BMPER: variants seen among roughly 807,000 people sequenced by gnomAD.
BMPER encodes BMP-binding endothelial regulator protein.
A neutral mutation model predicts 87.3 loss-of-function variants in BMPER; 45 were observed. That is an observed-to-expected ratio of 0.52 (90% CI 0.41 to 0.66). The LOEUF (loss-of-function observed/expected upper bound fraction) is 0.66. Among genes scored for constraint, BMPER ranks in the 30% least tolerant of loss-of-function variants. BMPER has a pLI of 0.00. For synonymous variants in BMPER, 326 were observed against 316.2 expected (o/e 1.03, Z -0.33); for missense variants, 784 against 867.5 (o/e 0.90, Z 1.21).
chr7:34,070,469 C>T (rs1279433734), intron 11 of BMPER, among the ~76,000 whole-genome samples: 5 of 152,132 alleles, frequency 3.3e-5, no homozygotes, highest in Non-Finnish European at 7.4e-5. Flanking sequence ...CCATGGCAGC[C>T]GGACACTCAT....
At chr7:34,112,452 G>A (rs952344754) in intron 13 of BMPER, among the ~76,000 whole-genome samples, 3 of 130,052 alleles carry the variant, frequency 2.3e-5, no homozygotes, top group Admixed American at 9.5e-5. Context: ...GCCGAGAGAC[G>A]CCACAGGACT....
chr7:34,149,810 C>T (rs759178535), intron 14 of BMPER, among the ~76,000 whole-genome samples: 3 of 140,064 alleles, frequency 2.1e-5, no homozygotes, highest in Non-Finnish European at 4.6e-5. Context: ...GGAACTGCTT[C>T]AGTCAAGGGG....
intron 11 of BMPER, among the ~76,000 whole-genome samples, chr7:34,064,071 A>C (rs1253255943): frequency 6.6e-6 from 1 of 152,206 alleles, no homozygotes; most frequent in Non-Finnish European, 1.5e-5. Context: ...AGGGCAGATC[A>C]CTTGAGGGCA....
At chr7:34,079,250 G>A in intron 12 of BMPER, 64 bp downstream of exon 12, 8 of 1,598,156 alleles carry the variant, frequency 5.0e-6, no homozygotes, top group South Asian at 1.1e-5. Context: ...CAGCAGCACT[G>A]CTCGGTTAGA....
chr7:34,073,087 C>A (rs1788778775), intron 11 of BMPER, among the ~76,000 whole-genome samples: 1 of 151,934 alleles, frequency 6.6e-6, no homozygotes. Flanking sequence ...TCAGTGTGGG[C>A]AATTTTTTTT....
At chr7:33,936,851 C>G (rs1310389488) in intron 2 of BMPER, among the ~76,000 whole-genome samples, 1 of 152,194 alleles carries the variant, frequency 6.6e-6, no homozygotes, top group Non-Finnish European at 1.5e-5. Flanking sequence ...TTTTAATGCA[C>G]TCTACTATTA....
intron 12 of BMPER, among the ~76,000 whole-genome samples, chr7:34,083,497 C>T (rs930560093): frequency 6.6e-6 from 1 of 152,170 alleles, no homozygotes; most frequent in African/African-American, 2.4e-5. Context: ...TCTATTTCTT[C>T]CATTGACCAT....
At chr7:33,922,008 G>C (rs772498125) in intron 2 of BMPER, 71 of 350,762 alleles carry the variant, frequency 2.0e-4, no homozygotes, top group Non-Finnish European at 3.1e-4. Context: ...TCCTCGTGCA[G>C]AATAAAGCCA....
chr7:34,009,424 T>G (rs1786820772), intron 6 of BMPER, among the ~76,000 whole-genome samples: 1 of 151,960 alleles, frequency 6.6e-6, no homozygotes, highest in Admixed American at 6.6e-5. Flanking sequence ...GACTTGCTTT[T>G]GGGGAAGAGT....
At chr7:33,970,213 C>G in intron 4 of BMPER, 116 bp from the exon 5 acceptor site, 4 of 996,490 alleles carry the variant, frequency 4.0e-6, no homozygotes, top group Non-Finnish European at 6.4e-6. Context: ...GCCCTGACAC[C>G]CACCAAACCT....
At chr7:34,055,112 T>C (rs200639773) in intron 8 of BMPER, 51 bp from the exon 9 acceptor site, 1 of 1,613,318 alleles carries the variant, frequency 6.2e-7, no homozygotes, top group Non-Finnish European at 8.5e-7. Flanking sequence ...GTAGGATGTT[T>C]GGTAGAGGCG....
chr7:34,016,373 A>G (rs1787027090), intron 6 of BMPER, among the ~76,000 whole-genome samples: 1 of 151,928 alleles, frequency 6.6e-6, no homozygotes, highest in South Asian at 2.1e-4. Flanking sequence ...CAAATGTTCA[A>G]ATCTACCTGT....
rs115132606 is a variant in BMPER at position 33,933,083 on chromosome 7, C to G, written c.220-4206C>G. On this transcript the variant is annotated intron_variant, in intron 2 of 14. Transcript: ENST00000649409. ...GCAGATCTCAGACACAGCAAGCTGG[C>G]TGCCGGAATCCTGTTTGAACTTGGC... Among the ~76,000 whole-genome samples the G allele has an allele frequency of 5.3e-3, 804 of 152,316 alleles. 5 individuals carry two copies. The highest frequency in any genetic ancestry group is 0.017 in the African/African-American group (696 of 41,572).
chr7:33,989,539 C>T (rs1056600835), intron 6 of BMPER, among the ~76,000 whole-genome samples: 60 of 152,088 alleles, frequency 3.9e-4, no homozygotes, highest in African/African-American at 1.3e-3. Flanking sequence ...GAGTAGGTTG[C>T]GAAATTTTTC....
chr7:34,037,517 G>A (rs936523292), intron 6 of BMPER, among the ~76,000 whole-genome samples: 5 of 152,092 alleles, frequency 3.3e-5, no homozygotes, highest in Non-Finnish European at 7.4e-5. Context: ...AACTCTTTGG[G>A]AGTCATCTAG....
At chr7:34,014,942 G>T (rs990127527) in intron 6 of BMPER, among the ~76,000 whole-genome samples, 1 of 151,766 alleles carries the variant, frequency 6.6e-6, no homozygotes, top group Non-Finnish European at 1.5e-5. Context: ...TTTCTTACCT[G>T]TAATATGCAC....
intron 2 of BMPER, among the ~76,000 whole-genome samples, chr7:33,916,709 C>T (rs148571069): frequency 4.6e-5 from 7 of 152,292 alleles, no homozygotes; most frequent in South Asian, 2.1e-4. Flanking sequence ...GGCGAATTCA[C>T]GTCTTAAGGG....
intron 8 of BMPER, among the ~76,000 whole-genome samples, chr7:34,053,685 A>G (rs1301769349): frequency 2.0e-5 from 3 of 152,256 alleles, no homozygotes; most frequent in Non-Finnish European, 4.4e-5. Flanking sequence ...GAAGTTGATT[A>G]TCATAAAGCT....
intron 2 of BMPER, among the ~76,000 whole-genome samples, chr7:33,912,333 G>T (rs906262138): frequency 3.3e-5 from 5 of 152,278 alleles, no homozygotes; most frequent in African/African-American, 1.2e-4. Flanking sequence ...CCGCCTTGTG[G>T]AAGGCTCTCG....
Sources: gnomAD v4.1 joint callset for allele counts (sites outside exome capture counted in the v4.1 genomes callset) on GRCh38, gnomAD v4.1.1 for gene constraint, MANE v1.5 for transcripts, NCBI Gene and HGNC (gene_info 2026-07-23, HGNC 2026-07-21) for gene names.